The following MTERF3 variants were observed in gnomAD, a reference collection of about 807,000 sequenced individuals.
MTERF3 encodes transcription termination factor 3, mitochondrial.
Under a neutral mutation model 40.5 loss-of-function variants are expected in MTERF3, and 40 were observed. The ratio of observed to expected loss-of-function variants is 0.99; its 90% confidence interval spans 0.77 to 1.29. The LOEUF is 1.29. Among genes scored for constraint, MTERF3 ranks in the 50% most tolerant of loss-of-function variants. MTERF3 has a pLI of 0.00. For synonymous variants in MTERF3, 158 were observed against 166.6 expected (o/e 0.95, Z 0.40); for missense variants, 452 against 478.2 (o/e 0.95, Z 0.51).
intron 6 of MTERF3, among the ~76,000 whole-genome samples, chr8:96,245,609 T>C (rs952274653): frequency 6.6e-6 from 1 of 152,218 alleles, no homozygotes; most frequent in Non-Finnish European, 1.5e-5. Flanking sequence ...CCCTATCTAA[T>C]GCTTTAGGAT....
chr8:96,258,706 A>C lies in MTERF3; in HGVS notation c.-10-6T>G. On this transcript the variant is annotated splice_region_variant and splice_polypyrimidine_tract_variant and intron_variant, in intron 1 of 7. Transcript: ENST00000287025. ...ACAAAGCCATTTTTCTTAGTCTACAAAGGAAAGATATAACCGTCAAAAGAA... is the reference window on the plus strand; with the variant it reads ...ACAAAGCCATTTTTCTTAGTCTACACAGGAAAGATATAACCGTCAAAAGAA... The C allele has an allele frequency of 6.4e-7, 1 of 1,560,782 alleles. No individual in the cohort carries two copies. Among genetic ancestry groups the C allele is most frequent in the South Asian group, 1.2e-5 (1 of 85,550 alleles).
At chr8:96,258,206 C>A in intron 2 of MTERF3, 151 bp downstream of exon 2, 1 of 1,344,554 alleles carries the variant, frequency 7.4e-7, no homozygotes, top group Non-Finnish European at 9.6e-7. Context: ...AAAATAAAGG[C>A]ATGATAGAAG....
chr8:96,254,850 A>G (rs1272173983), intron 3 of MTERF3, among the ~76,000 whole-genome samples: 1 of 152,216 alleles, frequency 6.6e-6, no homozygotes, highest in East Asian at 1.9e-4. Context: ...GTATACAATT[A>G]TAATAGAGTG....
chr8:96,258,727 A>C, intron 1 of MTERF3, 27 bp from the exon 2 acceptor site: 2 of 1,458,578 alleles, frequency 1.4e-6, no homozygotes, highest in Non-Finnish European at 1.9e-6. Flanking sequence ...TAACCGTCAA[A>C]AGAAGAGAAA....
intron 6 of MTERF3, 67 bp downstream of exon 6, chr8:96,245,793 C>G (rs774017478): frequency 4.9e-4 from 680 of 1,392,216 alleles, no homozygotes; most frequent in Non-Finnish European, 4.3e-4. Context: ...ATAGCAAAAT[C>G]TGTTCTCTTC....
Position 96,245,856 on chromosome 8 carries a change from C to T in MTERF3, c.897+4G>A. 6.2e-7 allele frequency: 1 copy of T among 1,612,774 alleles called. No individual in the cohort carries two copies. The highest frequency in any genetic ancestry group is 2.2e-5 in the East Asian group (1 of 44,846). ...ATTTCTCAAAAAGCCTAAAGTTGTC[C>T]TACCTTCATATTTTCTTTCACGGGT... On this transcript the variant is annotated splice_donor_region_variant and intron_variant, in intron 6 of 7. Coordinates refer to ENST00000287025, the MANE Select transcript of MTERF3 (RefSeq NM_015942.5).
intron 3 of MTERF3, among the ~76,000 whole-genome samples, chr8:96,253,896 T>A (rs904522403): frequency 6.6e-6 from 1 of 150,644 alleles, no homozygotes; most frequent in African/African-American, 2.4e-5. Flanking sequence ...TAGTCCCAGC[T>A]ACTTGCGGGG....
intron 5 of MTERF3, 137 bp from the exon 6 acceptor site, chr8:96,246,068 T>C (rs1810015411): frequency 2.3e-6 from 2 of 851,080 alleles, no homozygotes. Context: ...ACCCCAGGAA[T>C]AGATAAGATT....
chr8:96,250,998 A>G lies in MTERF3; in HGVS notation c.585T>C (p.Leu195=). ...GGTTATCCTCTATACCCACATCTTT[A>G]AGAAACAGAAGCATTTGCTTAATGT... is the stretch of plus-strand genomic sequence containing the variant. ...EKDIKQMLLF[L]KDVGIEDNQL... is the part of the protein sequence containing the mutation. The change falls in exon 4 of 8, where the codon CTT becomes CTC. Residue 195 remains leucine (L), a synonymous_variant. Transcript: ENST00000287025. 6.2e-7 allele frequency: 1 copy of G among 1,606,152 alleles called. No individual in the cohort carries two copies. Among genetic ancestry groups the G allele is most frequent in the Non-Finnish European group, 8.5e-7 (1 of 1,178,154 alleles).
At chr8:96,246,647 C>G (rs1207168237) in intron 4 of MTERF3, among the ~76,000 whole-genome samples, 193 bp from the exon 5 acceptor site, 1 of 152,210 alleles carries the variant, frequency 6.6e-6, no homozygotes, top group East Asian at 1.9e-4. Context: ...TCACCCAACT[C>G]TAGATGGTTT....
chr8:96,245,790 A>C, intron 6 of MTERF3, 70 bp downstream of exon 6: 2 of 1,379,934 alleles, frequency 1.4e-6, no homozygotes, highest in Middle Eastern at 3.6e-4. Context: ...ACAATAGCAA[A>C]ATCTGTTCTC....
At chr8:96,246,961 C>T (rs1810033295) in intron 4 of MTERF3, among the ~76,000 whole-genome samples, 1 of 151,896 alleles carries the variant, frequency 6.6e-6, no homozygotes, top group Non-Finnish European at 1.5e-5. Flanking sequence ...TACTGAGCCC[C>T]TCCCCTCCCC....
Position 96,251,105 on chromosome 8 carries a change from A to T in MTERF3, c.488-10T>A. On this transcript the variant is annotated splice_polypyrimidine_tract_variant and intron_variant, in intron 3 of 7. Transcript: ENST00000287025. ...TTGGACAAATCCACGCCTATAATAA[A>T]TTATAAATACTGTTTGAAGATGACT... The T allele has an allele frequency of 6.4e-7, 1 of 1,563,166 alleles. No homozygotes were observed. Among genetic ancestry groups the T allele is most frequent in the East Asian group, 2.3e-5 (1 of 43,948 alleles).
intron 3 of MTERF3, among the ~76,000 whole-genome samples, chr8:96,253,185 A>C (rs1328584861): frequency 6.6e-6 from 1 of 152,176 alleles, no homozygotes; most frequent in East Asian, 1.9e-4. Flanking sequence ...AATGACAAGG[A>C]CTTTAATGAA....
At position 96,257,060 on chromosome 8, in the gene MTERF3, G is replaced by A; in HGVS notation, c.389C>T (p.Ala130Val). Reference protein sequence around the residue: ...SPMQPISEEEAIQIIADPPLP... With the variant: ...SPMQPISEEEVIQIIADPPLP... The stretch of plus-strand genomic sequence containing the variant: ...TGGAGGGTCTGCAATAATCTGAATA[G>A]CCTCTTCCTCTGAAATTGGCTGCAT... Residue 130 changes from alanine to valine, a missense_variant, in exon 3 of 8, where the codon GCT (alanine) becomes GTT (valine). Coordinates refer to ENST00000287025, the MANE Select transcript of MTERF3 (RefSeq NM_015942.5). 1 of 1,613,826 alleles carries A rather than the reference G, an allele frequency of 6.2e-7. No homozygotes were observed.
intron 3 of MTERF3, among the ~76,000 whole-genome samples, 172 bp from the exon 4 acceptor site, chr8:96,251,267 C>T (rs1473275405): frequency 6.6e-6 from 1 of 152,090 alleles, no homozygotes. Context: ...GCAGAAACAA[C>T]ATAGTATTTA....
At chr8:96,250,619 A>AAGGAG (rs1491158013) in intron 4 of MTERF3, among the ~76,000 whole-genome samples, 1 of 11,430 alleles carries the variant, frequency 8.7e-5, no homozygotes, top group East Asian at 1.6e-3. Flanking sequence ...CTGAGGCAGA[A>AAGGAG]GAAGAAGAAG....
chr8:96,244,150 A>ATAGTT, intron 6 of MTERF3, 70 bp from the exon 7 acceptor site: 1 of 1,390,828 alleles, frequency 7.2e-7, no homozygotes, highest in Admixed American at 2.3e-5. Context: ...GCAAGGCTGC[A>ATAGTT]CTGATTTTTT....
rs1369428308 is a variant in MTERF3 at position 96,246,345 on chromosome 8, C to G, written c.787G>C (p.Gly263Arg). The G allele has an allele frequency of 1.2e-6, 2 of 1,609,290 alleles. No homozygotes were observed. Among genetic ancestry groups the G allele is most frequent in the Non-Finnish European group, 1.7e-6 (2 of 1,179,014 alleles). Residue 263 changes from glycine (G) to arginine (R), a missense_variant, in exon 5 of 8, where the codon GGA becomes CGA. Gly to Arg is a moderately radical substitution (Grantham distance 125). Transcript: ENST00000287025. ...FSVERLDNRL[G>R]FFQKELELSV... ...AGTTCAAGTTCTTTCTGAAAAAATC[C>G]CAATCTGTTATCCAGTCTTTCCACT...
Sources: gnomAD v4.1 joint callset for allele counts (sites outside exome capture counted in the v4.1 genomes callset) on GRCh38, gnomAD v4.1.1 for gene constraint, MANE v1.5 for transcripts, NCBI Gene and HGNC (gene_info 2026-07-23, HGNC 2026-07-21) for gene names.